Variants in EHHADH observed in about 807,000 individuals in gnomAD.
EHHADH encodes the protein peroxisomal bifunctional enzyme.
Under a neutral mutation model 64.4 loss-of-function variants are expected in EHHADH, and 48 were observed. The ratio of observed to expected loss-of-function variants is 0.75; its 90% CI spans 0.59 to 0.95. The LOEUF (loss-of-function observed/expected upper bound fraction) is 0.95, where lower values mean the gene tolerates loss of function less well. Ranked by LOEUF, EHHADH falls within the 40% of genes least tolerant of loss-of-function variation. The pLI, the probability that EHHADH is intolerant of heterozygous loss-of-function variation, is 0.00. For synonymous variants in EHHADH, 308 were observed against 326.7 expected (o/e 0.94, Z 0.62); for missense variants, 854 against 876.6 (o/e 0.97, Z 0.33).
chr3:185,208,387 C>A (rs1718454011), intron 5 of EHHADH, among the ~76,000 whole-genome samples: 1 of 152,178 alleles, frequency 6.6e-6, no homozygotes, highest in Admixed American at 6.5e-5. Flanking sequence ...ATCTGAAAGC[C>A]AGAGGACCTA....
chr3:185,202,198 CT>C (rs1718248601), intron 6 of EHHADH, among the ~76,000 whole-genome samples: 1 of 152,070 alleles, frequency 6.6e-6, no homozygotes, highest in Non-Finnish European at 1.5e-5. Flanking sequence ...ATCAGCCAGG[CT>C]TGGTGGCGCA....
chr3:185,206,922 T>C lies in EHHADH; in HGVS notation c.569-2165A>G, dbSNP rs57752001. ...AGAATAACACCCCCCCCACCAAATG[T>C]TCATGTCTTAATTCCTAGAATCTGT... On this transcript the variant is annotated intron_variant, in intron 5 of 6. Transcript: ENST00000231887. Among the ~76,000 whole-genome samples the C allele has an allele frequency of 2.7e-5, 4 of 150,860 alleles. No individual in the cohort carries two copies. In the East Asian group the frequency reaches 6.0e-4, roughly 22 times the overall value.
Position 185,245,650 on chromosome 3 carries a change from G to A in EHHADH, c.178+2764C>T, listed in dbSNP as rs1719574676. On this transcript the variant is annotated intron_variant, in intron 2 of 6. Transcript: ENST00000231887. ...TGACATACTCCTTGATAAATCTTAA[G>A]ACATTTTCTATCTGTTTTTGTTGGA... 6.5e-5 allele frequency: 47 copies of A among 727,244 alleles called. No homozygotes were observed. In the South Asian group the frequency reaches 6.9e-4, roughly 11 times the overall value. The allele number at this position is 727,244 out of a possible 1,614,324, so 45.0% of individuals were successfully genotyped here.
At position 185,238,510 on chromosome 3, in the gene EHHADH, G is replaced by A. The variant is rs549821225; in HGVS notation, c.179-3048C>T. Among the ~76,000 whole-genome samples, 85 of 152,228 alleles carry A rather than the reference G, an allele frequency of 5.6e-4. No homozygotes were observed. The South Asian group carries it at 0.017, about 30-fold the overall frequency. The stretch of plus-strand genomic sequence containing the variant: ...TTACATTTCTCTGATGATTAGTGAT[G>A]TTGAGAATTTTTTCATATGTTTATT... On this transcript the variant is annotated intron_variant, in intron 2 of 6. Coordinates refer to ENST00000231887, the MANE Select transcript of EHHADH (RefSeq NM_001966.4).
At chr3:185,238,961 T>C (rs534432650) in intron 2 of EHHADH, among the ~76,000 whole-genome samples, 1 of 152,350 alleles carries the variant, frequency 6.6e-6, no homozygotes, top group Admixed American at 6.5e-5. Context: ...TTAATTTTTG[T>C]ATATGGTGAA....
At chr3:185,244,000 G>A (rs189266434) in intron 2 of EHHADH, among the ~76,000 whole-genome samples, 2 of 152,202 alleles carry the variant, frequency 1.3e-5, no homozygotes, top group Non-Finnish European at 2.9e-5. Context: ...TTATTAGGTT[G>A]AGTAGTATTT....
Position 185,193,482 on chromosome 3 carries a change from C to T in EHHADH, c.916G>A (p.Gly306Arg), listed in dbSNP as rs780565732. The T allele has an allele frequency of 6.2e-7, 1 of 1,612,642 alleles. No homozygotes were observed. The highest frequency in any genetic ancestry group is 2.2e-5 in the East Asian group (1 of 44,870). Reference protein sequence around the residue: ...PVSSVGVVGLGTMGRGIVISF... With the variant: ...PVSSVGVVGLRTMGRGIVISF... Reference sequence around the variant, plus strand: ...ATGACAATGCCTCGGCCCATTGTTCCCAAGCCTGCAGATAAAAATCAAAGG... The same window carrying T: ...ATGACAATGCCTCGGCCCATTGTTCTCAAGCCTGCAGATAAAAATCAAAGG... Residue 306 changes from glycine to arginine, a missense_variant, in exon 7 of 7, where the codon GGA becomes AGA. Coordinates refer to ENST00000231887, the MANE Select transcript of EHHADH (RefSeq NM_001966.4).
intron 6 of EHHADH, among the ~76,000 whole-genome samples, chr3:185,196,296 C>T (rs1044791199): frequency 3.9e-5 from 6 of 152,108 alleles, no homozygotes; most frequent in Admixed American, 6.5e-5. Context: ...ATTTCATTTT[C>T]TCACGTTAAA....
In EHHADH at chr3:185,235,373, C is replaced by G. The variant is rs56292788; in HGVS notation, c.268G>C (p.Val90Leu). 1 of 1,613,942 alleles carries G rather than the reference C, an allele frequency of 6.2e-7. No homozygotes were observed. The highest frequency in any genetic ancestry group is 8.5e-7 in the Non-Finnish European group (1 of 1,179,954). The stretch of plus-strand genomic sequence containing the variant: ...GCCATGCCTTGGATTGCTGCCACCA[C>G]GGGCTTCTCATTTCTCTGTATTTCA... ...VDEIQRNEKP[V>L]VAAIQGMAFG... is the part of the protein sequence containing the mutation. The change falls in exon 3 of 7, where the codon GTG (valine) becomes CTG (leucine). Residue 90 changes from valine (V) to leucine (L), a missense_variant. Val to Leu is a conservative substitution (Grantham distance 32). Transcript: ENST00000231887.
At chr3:185,218,272 A>C in intron 4 of EHHADH, 32 bp from the exon 5 acceptor site, 2 of 1,490,636 alleles carry the variant, frequency 1.3e-6, no homozygotes, top group Non-Finnish European at 1.9e-6. Flanking sequence ...ATAACAACAA[A>C]TCAAAGAGCG....
At chr3:185,210,256 T>C (rs956335772) in intron 5 of EHHADH, among the ~76,000 whole-genome samples, 1 of 152,194 alleles carries the variant, frequency 6.6e-6, no homozygotes, top group Non-Finnish European at 1.5e-5. Context: ...TCAGATTTAT[T>C]TGAAGAGTTT....
chr3:185,196,036 G>A (rs1338930519), intron 6 of EHHADH, among the ~76,000 whole-genome samples: 1 of 152,182 alleles, frequency 6.6e-6, no homozygotes, highest in Non-Finnish European at 1.5e-5. Flanking sequence ...TCCTCCTTAA[G>A]AGAAATAGAT....
chr3:185,196,955 T>C (rs1204114370), intron 6 of EHHADH, among the ~76,000 whole-genome samples: 1 of 151,564 alleles, frequency 6.6e-6, no homozygotes, highest in Non-Finnish European at 1.5e-5. Flanking sequence ...TGAGTTGAGA[T>C]TGTGCCACTG....
At position 185,204,480 on chromosome 3, in the gene EHHADH, T is replaced by C. The variant is rs752984075; in HGVS notation, c.846A>G (p.Ser282=). ...TTTTCCACGATGCTCCGGAGGGAGT[T>C]GACCACTTATTTGCTTTCCTTTCAG... ...FFAERKANKW[S]TPSGASWKTA... is the part of the protein sequence containing the mutation. The change falls in exon 6 of 7, where the codon TCA becomes TCG. Residue 282 remains serine, a synonymous_variant. Coordinates refer to ENST00000231887, the MANE Select transcript of EHHADH (RefSeq NM_001966.4). 9.3e-6 allele frequency: 15 copies of C among 1,614,108 alleles called. 1 individual carries two copies. In the Middle Eastern group the frequency reaches 9.9e-4, roughly 107 times the overall value.
At chr3:185,193,914 T>C (rs73050869) in intron 6 of EHHADH, among the ~76,000 whole-genome samples, 10,408 of 152,212 alleles carry the variant, frequency 0.068, 1,169 homozygotes, top group African/African-American at 0.23. Flanking sequence ...ACATTGTTAA[T>C]AGAAATTAAG....
chr3:185,204,306 A>G, intron 6 of EHHADH, 110 bp downstream of exon 6: 2 of 985,470 alleles, frequency 2.0e-6, no homozygotes, highest in Non-Finnish European at 2.9e-6. Flanking sequence ...AGCTTAGCTA[A>G]CACAAGTAAT....
At chr3:185,247,287 A>G (rs1329589303) in intron 2 of EHHADH, among the ~76,000 whole-genome samples, 1 of 152,130 alleles carries the variant, frequency 6.6e-6, no homozygotes, top group African/African-American at 2.4e-5. Context: ...AACTCTAATT[A>G]CATTCTCTCA....
At chr3:185,232,623 T>C (rs1719167075) in intron 3 of EHHADH, among the ~76,000 whole-genome samples, 1 of 152,144 alleles carries the variant, frequency 6.6e-6, no homozygotes, top group Non-Finnish European at 1.5e-5. Flanking sequence ...TAATTTTGTA[T>C]TTTTAGTAGA....
Position 185,249,681 on chromosome 3 carries a change from C to T in EHHADH, c.75-1164G>A, listed in dbSNP as rs111390881. 3.3e-3 allele frequency among the ~76,000 whole-genome samples: 506 copies of T among 152,330 alleles called. 3 individuals are homozygous for T. The highest frequency in any genetic ancestry group is 5.1e-3 in the Non-Finnish European group (345 of 68,032). On this transcript the variant is annotated intron_variant, in intron 1 of 6. Transcript: ENST00000231887. ...CATGATTGTAAGTTTCCCCAGGCTT[C>T]CCCAGCCATGTGGAACTGTGATCAA...
Sources: allele counts gnomAD v4.1 joint callset (sites outside exome capture counted in the v4.1 genomes callset), GRCh38; gene constraint gnomAD v4.1.1; transcripts MANE v1.5; gene names NCBI Gene and HGNC (gene_info 2026-07-23, HGNC 2026-07-21).